Variants in GRID1 observed in about 807,000 individuals in gnomAD.
GRID1 encodes glutamate receptor ionotropic, delta-1.
A neutral mutation model predicts 98.0 loss-of-function variants in GRID1; 28 were observed. The observed-to-expected ratio is 0.29, with a 90% confidence interval of 0.21 to 0.39. The LOEUF is 0.39. GRID1 is among the 10% of genes least tolerant of loss of function. The probability of loss-of-function intolerance (pLI) is 1.00; values close to 1 mark genes in which losing one functional copy is unlikely to be tolerated. For missense variants in GRID1, 1,111 were observed against 1,340.5 expected (o/e 0.83, Z 2.67); for synonymous variants, 553 against 538.5 (o/e 1.03, Z -0.37).
At chr10:86,132,862 T>C (rs1844858985) in intron 4 of GRID1, among the ~76,000 whole-genome samples, 1 of 152,228 alleles carries the variant, frequency 6.6e-6, no homozygotes, top group Non-Finnish European at 1.5e-5. Context: ...GCACACTCCA[T>C]GCCTGGGAAG....
chr10:85,772,179 C>T (rs1477677010), intron 8 of GRID1, among the ~76,000 whole-genome samples: 1 of 152,058 alleles, frequency 6.6e-6, no homozygotes, highest in Non-Finnish European at 1.5e-5. Flanking sequence ...CACTCAAAAC[C>T]ACTCAACTAC....
At chr10:85,746,829 T>C (rs1175023949) in intron 8 of GRID1, among the ~76,000 whole-genome samples, 9 of 152,094 alleles carry the variant, frequency 5.9e-5, no homozygotes, top group East Asian at 3.8e-4. Flanking sequence ...TTATATAAAA[T>C]AATATAATAA....
chr10:85,735,783 A>G (rs1841873687), intron 8 of GRID1, among the ~76,000 whole-genome samples: 2 of 151,136 alleles, frequency 1.3e-5, no homozygotes, highest in African/African-American at 4.9e-5. Context: ...CTGCGAAGGG[A>G]AGGAGAGAGG....
chr10:85,743,116 C>CA (rs1554828609), intron 8 of GRID1, among the ~76,000 whole-genome samples: 121 of 134,744 alleles, frequency 9.0e-4, no homozygotes, highest in African/African-American at 3.2e-3. Context: ...CCCCCCCCCC[C>CA]ACCACCCATT....
At chr10:85,673,052 C>A (rs1590184310) in intron 12 of GRID1, among the ~76,000 whole-genome samples, 1 of 152,226 alleles carries the variant, frequency 6.6e-6, no homozygotes, top group East Asian at 1.9e-4. Context: ...CAGGAGTTGG[C>A]AAGAAATTGA....
At chr10:86,231,552 A>G (rs1846453320) in intron 2 of GRID1, among the ~76,000 whole-genome samples, 1 of 152,164 alleles carries the variant, frequency 6.6e-6, no homozygotes, top group African/African-American at 2.4e-5. Context: ...ACAAGTATTC[A>G]AGCAATGAGA....
At chr10:85,644,095 C>T (rs1843157063) in intron 13 of GRID1, 1 of 152,150 alleles carries the variant, frequency 6.6e-6, no homozygotes, top group African/African-American at 2.4e-5. Context: ...TAAGCAGGCA[C>T]ATGTCGCCTG....
intron 3 of GRID1, among the ~76,000 whole-genome samples, chr10:86,174,427 C>T (rs1341349620): frequency 5.3e-5 from 8 of 151,826 alleles, no homozygotes; most frequent in Admixed American, 3.9e-4. Context: ...GCTGGGAAAA[C>T]TGGCTAGCCA....
intron 4 of GRID1, among the ~76,000 whole-genome samples, chr10:86,098,920 C>A (rs979146254): frequency 6.6e-6 from 1 of 152,164 alleles, no homozygotes; most frequent in Non-Finnish European, 1.5e-5. Context: ...TTATTGACTG[C>A]CATTGATGCC....
chr10:85,859,755 C>G (rs1479937645), intron 6 of GRID1, among the ~76,000 whole-genome samples: 2 of 152,198 alleles, frequency 1.3e-5, no homozygotes, highest in Non-Finnish European at 2.9e-5. Flanking sequence ...CCCATCTTCT[C>G]TCCAACCTCA....
At chr10:86,161,509 A>G (rs896778682) in intron 3 of GRID1, among the ~76,000 whole-genome samples, 2 of 152,134 alleles carry the variant, frequency 1.3e-5, no homozygotes, top group African/African-American at 4.8e-5. Context: ...TAACCCCATT[A>G]CACAGATGAG....
At chr10:86,222,950 C>A (rs996640314) in intron 2 of GRID1, among the ~76,000 whole-genome samples, 2 of 152,138 alleles carry the variant, frequency 1.3e-5, no homozygotes, top group Non-Finnish European at 2.9e-5. Flanking sequence ...GCATCCCCCC[C>A]TCCACAGCAA....
chr10:86,031,166 G>GA (rs1174504978), intron 4 of GRID1, among the ~76,000 whole-genome samples: 47 of 151,236 alleles, frequency 3.1e-4, no homozygotes, highest in African/African-American at 3.9e-4. Flanking sequence ...CTCCTAAATG[G>GA]AAAAAAAATC....
At chr10:86,106,552 A>T (rs945098099) in intron 4 of GRID1, among the ~76,000 whole-genome samples, 23 of 151,832 alleles carry the variant, frequency 1.5e-4, no homozygotes, top group African/African-American at 5.3e-4. Flanking sequence ...GGCCTGCTTC[A>T]GGTGTGGGGA....
intron 2 of GRID1, among the ~76,000 whole-genome samples, chr10:86,286,113 T>A (rs1037033732): frequency 1.3e-5 from 2 of 151,866 alleles, no homozygotes; most frequent in African/African-American, 4.8e-5. Flanking sequence ...TAAGTAGAGG[T>A]TAGAGGTAGC....
intron 12 of GRID1, among the ~76,000 whole-genome samples, chr10:85,666,541 T>C (rs1841020868): frequency 6.6e-6 from 1 of 152,180 alleles, no homozygotes; most frequent in Non-Finnish European, 1.5e-5. Flanking sequence ...TTAGTTGAGG[T>C]TGGCTTGTAA....
At chr10:86,314,069 G>A (rs761993463) in intron 2 of GRID1, among the ~76,000 whole-genome samples, 30 of 152,100 alleles carry the variant, frequency 2.0e-4, no homozygotes, top group Admixed American at 1.3e-3. Flanking sequence ...ATTAGTTTTC[G>A]GTTTTTCCTG....
chr10:85,599,821 A>ATATG lies in GRID1; in HGVS notation c.*2451_*2452insCATA, dbSNP rs1470286241. The ATATG allele has an allele frequency of 7.7e-6, 1 of 129,354 alleles. No individual in the cohort carries two copies. The highest frequency in any genetic ancestry group is 3.1e-5 in the African/African-American group (1 of 32,098). The allele number at this position is 129,354 out of a possible 1,614,324, so 8.0% of individuals were successfully genotyped here. On this transcript the variant is annotated 3_prime_UTR_variant, in exon 16 of 16. Coordinates refer to ENST00000327946, the MANE Select transcript of GRID1 (RefSeq NM_017551.3). ...AAAAAAAATATATATATATATATATAAACATGGTGAAGAATAACACCATGA... is the reference window on the plus strand; with the variant it reads ...AAAAAAAATATATATATATATATATATATGAACATGGTGAAGAATAACACCATGA...
At chr10:85,866,390 T>C (rs958259204) in intron 6 of GRID1, among the ~76,000 whole-genome samples, 1 of 148,470 alleles carries the variant, frequency 6.7e-6, no homozygotes, top group Non-Finnish European at 1.5e-5. Flanking sequence ...ATGATGATAA[T>C]AGGTTAAGTA....
Sources: gnomAD v4.1 joint callset for allele counts (sites outside exome capture counted in the v4.1 genomes callset) on GRCh38, gnomAD v4.1.1 for gene constraint, MANE v1.5 for transcripts, NCBI Gene and HGNC (gene_info 2026-07-23, HGNC 2026-07-21) for gene names.